The following BRWD3 variants were observed in gnomAD, a reference collection of about 807,000 sequenced individuals.
The protein encoded by BRWD3 is bromodomain and WD repeat domain containing 3.
Under a neutral mutation model 149.7 loss-of-function variants are expected in BRWD3, and 10 were observed. The ratio of observed to expected loss-of-function variants is 0.07; its 90% CI spans 0.04 to 0.11. The LOEUF (loss-of-function observed/expected upper bound fraction) is 0.11, where lower values mean the gene tolerates loss of function less well. BRWD3 is among the 10% of genes least tolerant of loss of function. BRWD3 has a pLI of 1.00. For missense variants in BRWD3, 940 were observed against 1,373.2 expected, an observed-to-expected ratio of 0.68 and a Z score of 4.99; for synonymous variants, 504 against 456.7, an observed-to-expected ratio of 1.10 and a Z score of -1.32.
At chrX:80,807,465 A>G (rs965644929) in intron 4 of BRWD3, among the ~76,000 whole-genome samples, 3 of 112,293 alleles carry the variant, frequency 2.7e-5, no homozygotes, top group African/African-American at 6.5e-5. Flanking sequence ...TTTAGAGTCT[A>G]TCATACACCG....
chrX:80,761,924 T>C lies in BRWD3; in HGVS notation c.431-16195A>G, dbSNP rs148455647. On this transcript the variant is annotated intron_variant, in intron 6 of 40. Coordinates refer to ENST00000373275, the MANE Select transcript of BRWD3 (RefSeq NM_153252.5). ...ATCATAAGCATTTGACTCAACCACA[T>C]GAAGACACATTTGCCCACAGGTACA... 4.4e-3 allele frequency among the ~76,000 whole-genome samples: 488 copies of C among 111,609 alleles called. 1 individual carries two copies. The highest frequency in any genetic ancestry group is 0.015 in the African/African-American group (466 of 30,753).
intron 20 of BRWD3, among the ~76,000 whole-genome samples, chrX:80,714,923 T>C (rs2073053608): frequency 8.9e-6 from 1 of 112,069 alleles, no homozygotes; most frequent in Non-Finnish European, 1.9e-5. Flanking sequence ...AAAATAGAGA[T>C]TTAATTTTTA....
chrX:80,790,400 A>C (rs2074168375), intron 6 of BRWD3, among the ~76,000 whole-genome samples: 1 of 110,296 alleles, frequency 9.1e-6, no homozygotes, highest in Non-Finnish European at 1.9e-5. Flanking sequence ...ACTTAAACTT[A>C]AGCATCTTGA....
Position 80,692,090 on chromosome X carries a change from T to C in BRWD3, c.3324A>G (p.Gly1108=), listed in dbSNP as rs372374523. 22 of 1,202,852 alleles carry C rather than the reference T, an allele frequency of 1.8e-5. No homozygotes were observed. The highest frequency in any genetic ancestry group is 2.5e-5 in the Non-Finnish European group (22 of 889,651). The stretch of plus-strand genomic sequence containing the variant: ...TTCATTTTTTAAAAGCATATTTACT[T>C]CCTTCTGGAATTGGCTCCATATCCC... ...SPWDMEPIPE[G]TAFPDEVGAG... The change falls in exon 29 of 41, where the codon GGA becomes GGG. Residue 1108 remains glycine, a splice_region_variant and synonymous_variant. Transcript: ENST00000373275.
At chrX:80,689,183 T>C (rs1602307577) in intron 33 of BRWD3, among the ~76,000 whole-genome samples, 1 of 111,320 alleles carries the variant, frequency 9.0e-6, no homozygotes, top group African/African-American at 3.3e-5. Flanking sequence ...TCTATTTTGG[T>C]TTTTGTTTCT....
At position 80,765,640 on chromosome X, in the gene BRWD3, G is replaced by T. The variant is rs201954208; in HGVS notation, c.431-19911C>A. Among the ~76,000 whole-genome samples, 6 of 111,558 alleles carry T rather than the reference G, an allele frequency of 5.4e-5. No homozygotes were observed. In the East Asian group the frequency reaches 1.4e-3, roughly 26 times the overall value. On this transcript the variant is annotated intron_variant, in intron 6 of 40. Transcript: ENST00000373275. Reference sequence around the variant, plus strand: ...GAGGTGTCTGTGTGTGTATAAAACAGTTTCTTTGCTTTCCTTTATCATGTA... The same window carrying T: ...GAGGTGTCTGTGTGTGTATAAAACATTTTCTTTGCTTTCCTTTATCATGTA...
chrX:80,753,779 G>T (rs909976477), intron 6 of BRWD3, among the ~76,000 whole-genome samples: 1 of 111,845 alleles, frequency 8.9e-6, no homozygotes, highest in Non-Finnish European at 1.9e-5. Context: ...AGTAGAGGGT[G>T]TCCTTTTCCC....
intron 6 of BRWD3, among the ~76,000 whole-genome samples, chrX:80,760,205 C>T (rs2073788370): frequency 9.0e-6 from 1 of 111,613 alleles, no homozygotes; most frequent in African/African-American, 3.3e-5. Context: ...TTTTCTATTA[C>T]ACCTGCTATC....
chrX:80,790,826 A>C (rs2074173454), intron 6 of BRWD3, among the ~76,000 whole-genome samples: 1 of 111,971 alleles, frequency 8.9e-6, no homozygotes, highest in Non-Finnish European at 1.9e-5. Flanking sequence ...TCTCAATTCA[A>C]TATATTAATT....
At chrX:80,690,204 C>A in intron 31 of BRWD3, 112 bp from the exon 32 acceptor site, 1 of 753,489 alleles carries the variant, frequency 1.3e-6, no homozygotes, top group South Asian at 2.4e-5. Context: ...AAAGGTGTTC[C>A]AATATGCATA....
chrX:80,713,082 CT>C (rs1490953809), intron 20 of BRWD3, among the ~76,000 whole-genome samples: 5 of 107,479 alleles, frequency 4.7e-5, no homozygotes, highest in Admixed American at 1.9e-4. Flanking sequence ...GGTCAGCCCC[CT>C]GCCCGGCCAG....
At chrX:80,704,575 ATG>A in intron 23 of BRWD3, 101 bp downstream of exon 23, 2 of 817,929 alleles carry the variant, frequency 2.4e-6, no homozygotes, top group Non-Finnish European at 3.4e-6. Context: ...CTCAGATGAA[ATG>A]TTATTTTTAG....
At chrX:80,780,911 C>G (rs2074049700) in intron 6 of BRWD3, among the ~76,000 whole-genome samples, 1 of 112,245 alleles carries the variant, frequency 8.9e-6, no homozygotes, top group Non-Finnish European at 1.9e-5. Flanking sequence ...TTTACATTTA[C>G]ATATAAACAA....
At chrX:80,724,328 T>A (rs763870852) in intron 15 of BRWD3, among the ~76,000 whole-genome samples, 16 of 111,618 alleles carry the variant, frequency 1.4e-4, no homozygotes, top group Non-Finnish European at 2.5e-4. Context: ...CATATAAAAG[T>A]AAACTCAAAG....
At chrX:80,711,241 C>T (rs2072963132) in intron 20 of BRWD3, among the ~76,000 whole-genome samples, 1 of 111,684 alleles carries the variant, frequency 9.0e-6, no homozygotes, top group African/African-American at 3.3e-5. Context: ...GAGGGCTAAA[C>T]TCTGATCTTT....
intron 6 of BRWD3, among the ~76,000 whole-genome samples, chrX:80,776,445 A>C (rs2074001267): frequency 8.9e-6 from 1 of 112,656 alleles, no homozygotes; most frequent in Admixed American, 9.4e-5. Flanking sequence ...AAAGTCCTTA[A>C]GTAAAATTAA....
Position 80,735,041 on chromosome X carries a change from T to C in BRWD3, c.985+86A>G, listed in dbSNP as rs766832492. ...TGATATCCTTCAATTAACACTCAAATGTGTATCTTTTTTCTTCATAAATCA... is the reference window on the plus strand; with the variant it reads ...TGATATCCTTCAATTAACACTCAAACGTGTATCTTTTTTCTTCATAAATCA... On this transcript the variant is annotated intron_variant, in intron 10 of 40. Transcript: ENST00000373275. 4.4e-5 allele frequency: 36 copies of C among 826,895 alleles called. No individual in the cohort carries two copies. In the African/African-American group the frequency reaches 6.4e-4, roughly 15 times the overall value. The allele number at this position is 826,895 out of a possible 1,213,427, so 68.1% of individuals were successfully genotyped here. A position where few individuals can be genotyped will look rare whatever the true frequency, so the allele number is the denominator to read the frequency against.
intron 7 of BRWD3, 133 bp from the exon 8 acceptor site, chrX:80,744,386 A>T: frequency 4.1e-6 from 2 of 490,310 alleles, no homozygotes; most frequent in East Asian, 3.6e-5. Flanking sequence ...CTCTACATAT[A>T]ATAGGGATCC....
At chrX:80,789,140 G>T (rs2074147953) in intron 6 of BRWD3, among the ~76,000 whole-genome samples, 1 of 111,880 alleles carries the variant, frequency 8.9e-6, no homozygotes, top group African/African-American at 3.2e-5. Flanking sequence ...GTATAAATCT[G>T]TCATACCAAG....
Sources: allele counts gnomAD v4.1 joint callset (sites outside exome capture counted in the v4.1 genomes callset), GRCh38; gene constraint gnomAD v4.1.1; transcripts MANE v1.5; gene names NCBI Gene and HGNC (gene_info 2026-07-23, HGNC 2026-07-21).